Variants in HECW2 observed in about 807,000 individuals in gnomAD.
The protein encoded by HECW2 is HECT, C2 and WW domain containing E3 ubiquitin protein ligase 2.
A neutral mutation model predicts 175.2 loss-of-function variants in HECW2; 61 were observed. That is an observed-to-expected ratio of 0.35 (90% confidence interval 0.28 to 0.43). The LOEUF (loss-of-function observed/expected upper bound fraction) is 0.43. Among genes scored for constraint, HECW2 ranks in the 20% least tolerant of loss-of-function variants. The pLI, the probability that HECW2 is intolerant of heterozygous loss-of-function variation, is 1.00. For synonymous variants in HECW2, 671 were observed against 731.0 expected, an observed-to-expected ratio of 0.92 and a Z score of 1.32; for missense variants, 1,524 against 2,000.5, an observed-to-expected ratio of 0.76 and a Z score of 4.54.
chr2:196,381,423 A>G (rs1694204264), intron 2 of HECW2, among the ~76,000 whole-genome samples: 1 of 152,210 alleles, frequency 6.6e-6, no homozygotes, highest in Non-Finnish European at 1.5e-5. Flanking sequence ...AAAATAAAGT[A>G]AAATCAATGT....
chr2:196,297,316 G>C (rs1429325841), intron 13 of HECW2, among the ~76,000 whole-genome samples: 1 of 152,172 alleles, frequency 6.6e-6, no homozygotes, highest in East Asian at 1.9e-4. Context: ...ATAAGCACTT[G>C]ATGGTTGAGT....
At chr2:196,218,254 GT>G (rs1687545391) in intron 26 of HECW2, 2 of 152,226 alleles carry the variant, frequency 1.3e-5, no homozygotes, top group Non-Finnish European at 2.9e-5. Context: ...GAGTGAATGT[GT>G]CTCATCATAT....
At chr2:196,534,125 TCAGA>T (rs1403630743) in intron 1 of HECW2, among the ~76,000 whole-genome samples, 2 of 152,176 alleles carry the variant, frequency 1.3e-5, no homozygotes. Flanking sequence ...CTAAATGAGA[TCAGA>T]CAATTTGAAA....
intron 2 of HECW2, among the ~76,000 whole-genome samples, chr2:196,402,809 T>TC (rs1694857956): frequency 6.8e-6 from 1 of 147,854 alleles, no homozygotes; most frequent in South Asian, 2.2e-4. Context: ...GGGAATTTTT[T>TC]TTTTTTTTTT....
chr2:196,307,833 A>G, intron 11 of HECW2, 102 bp downstream of exon 11: 1 of 1,109,086 alleles, frequency 9.0e-7, no homozygotes, highest in Non-Finnish European at 1.2e-6. Context: ...TAACGACAGG[A>G]CACACAAAGA....
At chr2:196,205,746 G>A (rs1030469955) in intron 28 of HECW2, among the ~76,000 whole-genome samples, 9 of 152,148 alleles carry the variant, frequency 5.9e-5, no homozygotes, top group Non-Finnish European at 1.2e-4. Context: ...GGTGGGCCTG[G>A]GGGAATATGC....
chr2:196,560,484 G>A lies in HECW2; in HGVS notation c.-36+33024C>T, dbSNP rs529818035. Among the ~76,000 whole-genome samples the A allele has an allele frequency of 3.0e-4, 45 of 152,034 alleles. No homozygotes were observed. The South Asian group carries it at 4.4e-3, about 15-fold the overall frequency. ...TCTTATCTGAGATCTTCATATGCCC[G>A]CACTCCCTGTCCCTGTCCCAGGGAA... On this transcript the variant is annotated intron_variant, in intron 1 of 28. Transcript: ENST00000644978.
intron 2 of HECW2, among the ~76,000 whole-genome samples, chr2:196,353,151 AGGTGT>A (rs1313061839): frequency 1.3e-5 from 2 of 152,038 alleles, no homozygotes; most frequent in Non-Finnish European, 2.9e-5. Flanking sequence ...ATGTCCCCAA[AGGTGT>A]GGTCAGGATT....
At chr2:196,447,381 G>A (rs1696217718) in intron 1 of HECW2, among the ~76,000 whole-genome samples, 1 of 152,162 alleles carries the variant, frequency 6.6e-6, no homozygotes, top group Non-Finnish European at 1.5e-5. Context: ...GTCAACCCCT[G>A]TCAACCCCTT....
Position 196,278,538 on chromosome 2 carries a change from C to T in HECW2, c.3125G>A (p.Ser1042Asn). Reference protein sequence around the residue: ...RQHLTRQRSHSAGEVGEDSRH... With the variant: ...RQHLTRQRSHNAGEVGEDSRH... ...AAACGCATGACTCACCTCACCCGCACTGTGGCTGCGTTGCCTTGTCAGGTG... is the reference window on the plus strand; with the variant it reads ...AAACGCATGACTCACCTCACCCGCATTGTGGCTGCGTTGCCTTGTCAGGTG... Residue 1042 changes from serine (S) to asparagine (N), a missense_variant, in exon 15 of 29, where the codon AGT (serine) becomes AAT (asparagine). Around this residue, in one of 11 missense-constraint regions of HECW2, gnomAD observed 291 missense variants for 412.2 expected, o/e 0.71. Transcript: ENST00000644978. The T allele has an allele frequency of 1.2e-6, 2 of 1,614,120 alleles. No individual in the cohort carries two copies. The highest frequency in any genetic ancestry group is 1.7e-6 in the Non-Finnish European group (2 of 1,179,998).
At chr2:196,532,176 T>C (rs1198741500) in intron 1 of HECW2, among the ~76,000 whole-genome samples, 1 of 152,184 alleles carries the variant, frequency 6.6e-6, no homozygotes, top group African/African-American at 2.4e-5. Context: ...GGCACGTGCA[T>C]ATGTATGTTT....
chr2:196,358,585 CAAAAAAAAAAAAAA>C lies in HECW2; in HGVS notation c.293-14835_293-14822del, dbSNP rs144181608. ...TGGGAGACAGAGCAAGACTCTGTCT[CAAAAAAAAAAAAAA>C]AAAAAAAAAAAAAAAAAAGAAACTC... On this transcript the variant is annotated intron_variant, in intron 2 of 28. Coordinates refer to ENST00000644978, the MANE Select transcript of HECW2 (RefSeq NM_001348768.2). Among the ~76,000 whole-genome samples, 127 of 67,374 alleles carry C rather than the reference CAAAAAAAAAAAAAA, an allele frequency of 1.9e-3. 1 individual carries two copies. The highest frequency in any genetic ancestry group is 2.6e-3 in the Admixed American group (10 of 3,844). 44.2% of individuals were successfully genotyped at this position (67,374 alleles called of 152,430 possible). A position where few individuals can be genotyped will look rare whatever the true frequency, so the allele number is the denominator to read the frequency against.
At chr2:196,216,064 T>C in intron 27 of HECW2, 87 bp from the exon 28 acceptor site, 1 of 864,282 alleles carries the variant, frequency 1.2e-6, no homozygotes. Context: ...GCAGAGCTCC[T>C]GAGGAAGAGC....
At chr2:196,362,720 T>C (rs956292161) in intron 2 of HECW2, among the ~76,000 whole-genome samples, 1 of 152,232 alleles carries the variant, frequency 6.6e-6, no homozygotes, top group Non-Finnish European at 1.5e-5. Flanking sequence ...ATCTAGCTAA[T>C]GCTCTTGTCT....
chr2:196,373,868 T>A (rs1693974237), intron 2 of HECW2, among the ~76,000 whole-genome samples: 1 of 151,734 alleles, frequency 6.6e-6, no homozygotes, highest in African/African-American at 2.4e-5. Flanking sequence ...CCGTCTCTAC[T>A]AAAAATACAA....
intron 12 of HECW2, among the ~76,000 whole-genome samples, 196 bp from the exon 13 acceptor site, chr2:196,306,808 G>A (rs918118554): frequency 1.3e-5 from 2 of 149,530 alleles, no homozygotes; most frequent in African/African-American, 5.1e-5. Context: ...CTAAAATTCA[G>A]TTAAGTAATA....
intron 1 of HECW2, among the ~76,000 whole-genome samples, chr2:196,473,114 A>T (rs1216514191): frequency 1.3e-5 from 2 of 152,244 alleles, no homozygotes; most frequent in African/African-American, 4.8e-5. Flanking sequence ...AGTTGTACTC[A>T]AGACACATTT....
chr2:196,397,268 A>T (rs1474748651), intron 2 of HECW2, among the ~76,000 whole-genome samples: 1 of 152,262 alleles, frequency 6.6e-6, no homozygotes, highest in Non-Finnish European at 1.5e-5. Context: ...GTCCCAACTA[A>T]GGTAACATAA....
chr2:196,547,399 A>G (rs1233000050), intron 1 of HECW2, among the ~76,000 whole-genome samples: 1 of 152,206 alleles, frequency 6.6e-6, no homozygotes, highest in Non-Finnish European at 1.5e-5. Flanking sequence ...AAAACTTTAT[A>G]TTTGCCCCAA....
Sources: allele counts gnomAD v4.1 joint callset (sites outside exome capture counted in the v4.1 genomes callset), GRCh38; gene constraint gnomAD v4.1.1; regional missense constraint gnomAD v4.1.1; transcripts MANE v1.5; gene names NCBI Gene and HGNC (gene_info 2026-07-23, HGNC 2026-07-21).